ETV6: variants seen among roughly 807,000 people sequenced by gnomAD.
ETV6 encodes the protein transcription factor ETV6.
A neutral mutation model predicts 51.1 loss-of-function variants in ETV6; 16 were observed. The observed-to-expected ratio is 0.31, with a 90% CI of 0.21 to 0.48. The LOEUF (loss-of-function observed/expected upper bound fraction) is 0.48. ETV6 is among the 20% of genes least tolerant of loss of function. The pLI, the probability that ETV6 is intolerant of heterozygous loss-of-function variation, is 0.99. For missense variants in ETV6, 458 were observed against 594.8 expected (o/e 0.77, Z 2.39); for synonymous variants, 240 against 224.1 (o/e 1.07, Z -0.64).
rs776231778 is a variant in ETV6 at position 11,883,276 on chromosome 12, C to CTTCTTCTTTTTTT, written c.1010-1167_1010-1166insCTTCTTTTTTTTT. On this transcript the variant is annotated intron_variant, in intron 5 of 7. Coordinates refer to ENST00000396373, the MANE Select transcript of ETV6 (RefSeq NM_001987.5). The stretch of plus-strand genomic sequence containing the variant: ...GGGAAGGTGTACATCATGTCTTCTT[C>CTTCTTCTTTTTTT]TTTTTTTTTTTTTTTTTTTTTTTTT... 1.7e-3 allele frequency among the ~76,000 whole-genome samples: 133 copies of CTTCTTCTTTTTTT among 79,040 alleles called. 4 individuals carry two copies. Among genetic ancestry groups the CTTCTTCTTTTTTT allele is most frequent in the Non-Finnish European group, 2.2e-3 (101 of 46,040 alleles). 51.9% of individuals were successfully genotyped at this position (79,040 alleles called of 152,430 possible).
intron 2 of ETV6, among the ~76,000 whole-genome samples, chr12:11,812,506 C>G (rs1945928144): frequency 6.6e-6 from 1 of 152,212 alleles, no homozygotes; most frequent in South Asian, 2.1e-4. Flanking sequence ...TCCTTCCTCT[C>G]ACTCCGACAC....
Position 11,893,794 on chromosome 12 carries a change from TTATATATATA to T in ETV6, c.*2787_*2796del, listed in dbSNP as rs57308697. ...GTGTCCATCCCCAAGATCTCTCATT[TTATATATATA>T]TATATATATATATATATATATATAT... On this transcript the variant is annotated 3_prime_UTR_variant, in exon 8 of 8. Coordinates refer to ENST00000396373, the MANE Select transcript of ETV6 (RefSeq NM_001987.5). 4,902 of 78,982 alleles carry T rather than the reference TTATATATATA, an allele frequency of 0.062. 196 individuals are homozygous for T. The highest frequency in any genetic ancestry group is 0.12 in the East Asian group (422 of 3,632). 4.9% of individuals were successfully genotyped at this position (78,982 alleles called of 1,614,324 possible). A position where few individuals can be genotyped will look rare whatever the true frequency, so the allele number is the denominator to read the frequency against.
chr12:11,878,465 T>C (rs1947028002), intron 5 of ETV6, among the ~76,000 whole-genome samples: 3 of 152,196 alleles, frequency 2.0e-5, no homozygotes, highest in South Asian at 4.2e-4. Context: ...AGGCTGGGCC[T>C]TATTAGGTTC....
chr12:11,822,256 A>G (rs984181241), intron 2 of ETV6, among the ~76,000 whole-genome samples: 1 of 152,150 alleles, frequency 6.6e-6, no homozygotes, highest in Non-Finnish European at 1.5e-5. Flanking sequence ...CAGCAGTTAG[A>G]CCCAACTGTG....
intron 1 of ETV6, among the ~76,000 whole-genome samples, chr12:11,728,446 A>C (rs191808921): frequency 6.6e-6 from 1 of 150,522 alleles, no homozygotes; most frequent in Admixed American, 6.6e-5. Context: ...GATTCTCGTA[A>C]GAGCACGAAC....
At chr12:11,858,881 A>G (rs1167860126) in intron 4 of ETV6, among the ~76,000 whole-genome samples, 2 of 152,106 alleles carry the variant, frequency 1.3e-5, no homozygotes, top group Non-Finnish European at 2.9e-5. Context: ...TTTTCTTACA[A>G]CTAGCACATG....
chr12:11,653,046 T>G (rs1478782163), intron 1 of ETV6, among the ~76,000 whole-genome samples: 1 of 151,822 alleles, frequency 6.6e-6, no homozygotes, highest in East Asian at 1.9e-4. Flanking sequence ...CGAGCACTCC[T>G]GGGGGGGTCT....
At chr12:11,722,527 C>T (rs1056714869) in intron 1 of ETV6, among the ~76,000 whole-genome samples, 2 of 152,178 alleles carry the variant, frequency 1.3e-5, no homozygotes, top group African/African-American at 4.8e-5. Context: ...ATTAAATCTG[C>T]TAACTGATGT....
At chr12:11,742,292 G>A (rs1865824799) in intron 1 of ETV6, among the ~76,000 whole-genome samples, 1 of 152,190 alleles carries the variant, frequency 6.6e-6, no homozygotes, top group Admixed American at 6.5e-5. Flanking sequence ...CACCTTGTCA[G>A]TAGAACTTGC....
intron 2 of ETV6, among the ~76,000 whole-genome samples, chr12:11,765,176 A>G (rs991706829): frequency 8.5e-5 from 13 of 152,236 alleles, no homozygotes; most frequent in African/African-American, 2.4e-4. Flanking sequence ...CAGGGTTTAT[A>G]TATCCAGATT....
intron 1 of ETV6, among the ~76,000 whole-genome samples, chr12:11,661,745 T>A (rs531554589): frequency 6.6e-6 from 1 of 152,318 alleles, no homozygotes; most frequent in South Asian, 2.1e-4. Context: ...GTAAGAGTGT[T>A]TTCCTTCAGA....
chr12:11,860,258 G>A (rs1032817141), intron 4 of ETV6, among the ~76,000 whole-genome samples: 9 of 152,208 alleles, frequency 5.9e-5, no homozygotes, highest in Non-Finnish European at 8.8e-5. Context: ...TGCTGGAATC[G>A]TGTTGATGAC....
At position 11,741,974 on chromosome 12, in the gene ETV6, G is replaced by A. The variant is rs530788789; in HGVS notation, c.34-10476G>A. On this transcript the variant is annotated intron_variant, in intron 1 of 7. Transcript: ENST00000396373. Reference sequence around the variant, plus strand: ...GGATTGTGTTTTAAAGTTTCTCCAGGTGATTCTAATACACAGATAATAGCC... The same window carrying A: ...GGATTGTGTTTTAAAGTTTCTCCAGATGATTCTAATACACAGATAATAGCC... 5.3e-5 allele frequency among the ~76,000 whole-genome samples: 8 copies of A among 152,294 alleles called. No homozygotes were observed. In the South Asian group the frequency reaches 1.7e-3, roughly 32 times the overall value.
intron 2 of ETV6, among the ~76,000 whole-genome samples, chr12:11,826,981 G>C (rs537641614): frequency 2.0e-5 from 3 of 151,666 alleles, no homozygotes; most frequent in Non-Finnish European, 4.4e-5. Context: ...CTTTTTTATT[G>C]ATAGGTCTAT....
At chr12:11,753,837 A>C (rs1944958073) in intron 2 of ETV6, among the ~76,000 whole-genome samples, 1 of 152,246 alleles carries the variant, frequency 6.6e-6, no homozygotes, top group African/African-American at 2.4e-5. Context: ...TGCGTCCATC[A>C]GTATTTACGA....
At chr12:11,820,625 T>C (rs967429612) in intron 2 of ETV6, among the ~76,000 whole-genome samples, 11 of 151,698 alleles carry the variant, frequency 7.3e-5, no homozygotes, top group Admixed American at 6.6e-4. Context: ...TCCTGGTAGG[T>C]CTGAGGAACA....
intron 7 of ETV6, among the ~76,000 whole-genome samples, chr12:11,886,985 G>A (rs1034819685): frequency 2.6e-5 from 4 of 152,216 alleles, no homozygotes; most frequent in African/African-American, 7.2e-5. Flanking sequence ...GTGATACCAT[G>A]TATGAACAGA....
At chr12:11,850,818 T>A (rs1283565094) in intron 3 of ETV6, among the ~76,000 whole-genome samples, 1 of 152,190 alleles carries the variant, frequency 6.6e-6, no homozygotes, top group African/African-American at 2.4e-5. Context: ...AGTTTCTCTC[T>A]CATGAAAACA....
intron 4 of ETV6, among the ~76,000 whole-genome samples, chr12:11,860,394 C>T (rs186870350): frequency 7.8e-4 from 119 of 152,230 alleles, no homozygotes; most frequent in African/African-American, 2.8e-3. Flanking sequence ...CCCCCGACTA[C>T]CTGGGTTCTA....
Sources: gnomAD v4.1 joint callset for allele counts (sites outside exome capture counted in the v4.1 genomes callset) on GRCh38, gnomAD v4.1.1 for gene constraint, MANE v1.5 for transcripts, NCBI Gene and HGNC (gene_info 2026-07-23, HGNC 2026-07-21) for gene names.